SLIT2: variants seen among roughly 807,000 people sequenced by gnomAD.
The protein encoded by SLIT2 is slit guidance ligand 2, also known as slit homolog 2 protein.
A neutral mutation model predicts 185.7 loss-of-function variants in SLIT2; 41 were observed. The ratio of observed to expected loss-of-function variants is 0.22; its 90% CI spans 0.17 to 0.29. The LOEUF is 0.29. Ranked by LOEUF, SLIT2 falls within the 10% of genes least tolerant of loss-of-function variation. SLIT2 has a pLI of 1.00. For synonymous variants in SLIT2, 693 were observed against 680.2 expected (o/e 1.02, Z -0.29); for missense variants, 1,571 against 1,909.0 (o/e 0.82, Z 3.30).
intron 4 of SLIT2, among the ~76,000 whole-genome samples, chr4:20,305,821 C>T (rs1461032230): frequency 3.4e-5 from 5 of 149,246 alleles, no homozygotes; most frequent in African/African-American, 7.4e-5. Flanking sequence ...TGCAGTGAGC[C>T]GAGATAATGC....
intron 4 of SLIT2, among the ~76,000 whole-genome samples, chr4:20,299,234 G>C (rs1229356005): frequency 6.6e-6 from 1 of 152,138 alleles, no homozygotes; most frequent in East Asian, 1.9e-4. Context: ...ATTTTTTAAA[G>C]AGATATAAAG....
chr4:20,300,176 T>G (rs771389345), intron 4 of SLIT2, among the ~76,000 whole-genome samples: 2 of 152,048 alleles, frequency 1.3e-5, no homozygotes, highest in Non-Finnish European at 2.9e-5. Flanking sequence ...TTATATGACT[T>G]TTTTAAAACC....
rs776678111 is a variant in SLIT2, at chr4:20,252,144, T to C, written c.-1672T>C. ...GGAGCGCCGGGGGCCCGCAGCCGGC[T>C]CCGGAGGCGCGGGCCGGGTTTTTGT... On this transcript the variant is annotated 5_prime_UTR_variant, in exon 1 of 37. Coordinates refer to ENST00000504154, the MANE Select transcript of SLIT2 (RefSeq NM_004787.4). Among the ~76,000 whole-genome samples, 201 of 149,990 alleles carry C rather than the reference T, an allele frequency of 1.3e-3. No homozygotes were observed. The highest frequency in any genetic ancestry group is 1.8e-3 in the Non-Finnish European group (124 of 67,318).
At chr4:20,574,685 G>T (rs1725928403) in intron 29 of SLIT2, among the ~76,000 whole-genome samples, 1 of 151,682 alleles carries the variant, frequency 6.6e-6, no homozygotes. Flanking sequence ...CACTTGGGAG[G>T]CTGAAGCAGG....
At chr4:20,582,229 G>T (rs1726642664) in intron 29 of SLIT2, among the ~76,000 whole-genome samples, 1 of 152,158 alleles carries the variant, frequency 6.6e-6, no homozygotes, top group Non-Finnish European at 1.5e-5. Context: ...TGTTCTTCAT[G>T]CTGCCTCCTG....
chr4:20,459,895 GCTCTGTCACC>G (rs1713506289), intron 4 of SLIT2, among the ~76,000 whole-genome samples: 1 of 132,632 alleles, frequency 7.5e-6, no homozygotes, highest in Non-Finnish European at 1.6e-5. Context: ...TGGGAATCTT[GCTCTGTCACC>G]CAGGCTGGGG....
At chr4:20,443,749 A>G (rs937854813) in intron 4 of SLIT2, among the ~76,000 whole-genome samples, 1 of 152,128 alleles carries the variant, frequency 6.6e-6, no homozygotes, top group Non-Finnish European at 1.5e-5. Context: ...GAGCTTAACT[A>G]TAGCCTTGAA....
intron 3 of SLIT2, among the ~76,000 whole-genome samples, chr4:20,260,019 T>C (rs1712273886): frequency 6.6e-6 from 1 of 151,910 alleles, no homozygotes; most frequent in Non-Finnish European, 1.5e-5. Context: ...TTTTCAAATA[T>C]TTATTTTTTA....
At chr4:20,288,493 G>A (rs1428376175) in intron 4 of SLIT2, among the ~76,000 whole-genome samples, 3 of 152,220 alleles carry the variant, frequency 2.0e-5, no homozygotes, top group African/African-American at 7.2e-5. Context: ...TTCCTGAAGT[G>A]CTGGGTGATG....
chr4:20,507,219 G>A (rs896004087), intron 9 of SLIT2, among the ~76,000 whole-genome samples: 3 of 151,764 alleles, frequency 2.0e-5, no homozygotes, highest in Non-Finnish European at 4.4e-5. Context: ...CAAAAAACAA[G>A]GCCTTATTTA....
At chr4:20,511,595 T>TTTTTTTTTTTTA (rs1211611464) in intron 11 of SLIT2, among the ~76,000 whole-genome samples, 2 of 137,900 alleles carry the variant, frequency 1.5e-5, no homozygotes, top group Admixed American at 1.5e-4. Flanking sequence ...TAATTTTTTT[T>TTTTTTTTTTTTA]TTTTTTTTAT....
At chr4:20,299,725 A>G (rs1001717486) in intron 4 of SLIT2, among the ~76,000 whole-genome samples, 3 of 151,740 alleles carry the variant, frequency 2.0e-5, no homozygotes, top group African/African-American at 7.3e-5. Flanking sequence ...AAGGCCCGAC[A>G]GGGGGAGCCA....
intron 33 of SLIT2, among the ~76,000 whole-genome samples, chr4:20,602,412 T>C (rs1013757896): frequency 2.0e-5 from 3 of 152,184 alleles, no homozygotes; most frequent in Non-Finnish European, 4.4e-5. Context: ...AGAAATAAAG[T>C]AGTATGCATA....
intron 4 of SLIT2, among the ~76,000 whole-genome samples, chr4:20,375,104 G>C (rs370379753): frequency 1.6e-4 from 25 of 152,120 alleles, no homozygotes; most frequent in East Asian, 9.7e-4. Context: ...TAAATAATTA[G>C]TCACAATTAG....
At chr4:20,563,902 C>G (rs1266590366) in intron 26 of SLIT2, among the ~76,000 whole-genome samples, 3 of 151,762 alleles carry the variant, frequency 2.0e-5, no homozygotes, top group Non-Finnish European at 4.4e-5. Flanking sequence ...GAATGGCTGC[C>G]ATTATCCTAA....
chr4:20,518,126 T>TAC (rs1720390910), intron 11 of SLIT2, among the ~76,000 whole-genome samples: 2 of 143,248 alleles, frequency 1.4e-5, no homozygotes, highest in African/African-American at 5.3e-5. Context: ...TACATATATA[T>TAC]ACATATACAT....
chr4:20,577,687 G>T (rs1241434980), intron 29 of SLIT2, among the ~76,000 whole-genome samples: 2 of 152,170 alleles, frequency 1.3e-5, no homozygotes, highest in Non-Finnish European at 2.9e-5. Context: ...AATCTCATCA[G>T]CTATATCCAC....
At chr4:20,267,672 G>T (rs916480501) in intron 3 of SLIT2, among the ~76,000 whole-genome samples, 3 of 151,778 alleles carry the variant, frequency 2.0e-5, no homozygotes, top group African/African-American at 7.3e-5. Context: ...TTTCTTAGGA[G>T]TTACAATCAA....
chr4:20,528,441 A>G lies in SLIT2; in HGVS notation c.1463-508A>G, dbSNP rs1721495162. On this transcript the variant is annotated intron_variant, in intron 15 of 36. Coordinates refer to ENST00000504154, the MANE Select transcript of SLIT2 (RefSeq NM_004787.4). This position sits in a 1 kb window ranked among gnomAD's most constrained non-coding sequence, Gnocchi z 4.2. ...TTTTCCTGTCTCTTTCTACAAAATCAAAATGAAAAAAGAGGGCTTTTTAGG... is the reference window on the plus strand; with the variant it reads ...TTTTCCTGTCTCTTTCTACAAAATCGAAATGAAAAAAGAGGGCTTTTTAGG... The G allele has an allele frequency of 2.1e-6, 1 of 482,274 alleles. No individual in the cohort carries two copies. The highest frequency in any genetic ancestry group is 2.0e-5 in the African/African-American group (1 of 49,892). The allele number at this position is 482,274 out of a possible 1,614,324, so 29.9% of individuals were successfully genotyped here.
Sources: gnomAD v4.1 joint callset for allele counts (sites outside exome capture counted in the v4.1 genomes callset) on GRCh38, gnomAD v4.1.1 for gene constraint, Gnocchi (gnomAD v3.1) non-coding constraint, MANE v1.5 for transcripts, NCBI Gene and HGNC (gene_info 2026-07-23, HGNC 2026-07-21) for gene names.